Variants in LRRTM4 observed in about 807,000 individuals in gnomAD.
LRRTM4 encodes the protein leucine rich repeat transmembrane neuronal 4.
LRRTM4 carries 25 observed loss-of-function variants against 47.6 expected under a neutral mutation model. That is an observed-to-expected ratio of 0.53 (90% CI 0.38 to 0.73). The LOEUF (loss-of-function observed/expected upper bound fraction) is 0.73, where lower values mean the gene tolerates loss of function less well. Ranked by LOEUF, LRRTM4 falls within the 30% of genes least tolerant of loss-of-function variation. The pLI is 0.00. For synonymous variants in LRRTM4, 311 were observed against 269.5 expected (o/e 1.15, Z -1.51); for missense variants, 638 against 713.4 (o/e 0.89, Z 1.20).
At chr2:77,075,735 G>A (rs1215404620) in intron 3 of LRRTM4, among the ~76,000 whole-genome samples, 1 of 150,802 alleles carries the variant, frequency 6.6e-6, no homozygotes, top group Non-Finnish European at 1.5e-5. Flanking sequence ...CTAACAAGGT[G>A]AAACCCCGTC....
chr2:76,873,456 T>G (rs907796217), intron 3 of LRRTM4, among the ~76,000 whole-genome samples: 1 of 143,328 alleles, frequency 7.0e-6, no homozygotes, highest in Non-Finnish European at 1.5e-5. Flanking sequence ...TGTATATATA[T>G]ATAACGTGTG....
intron 3 of LRRTM4, among the ~76,000 whole-genome samples, chr2:76,837,789 A>G (rs1573190919): frequency 1.3e-5 from 2 of 152,186 alleles, no homozygotes; most frequent in African/African-American, 4.8e-5. Flanking sequence ...CTTTGTAGGG[A>G]CATGGATGAA....
At chr2:76,756,999 TC>T (rs1443321881) in intron 3 of LRRTM4, among the ~76,000 whole-genome samples, 1 of 152,118 alleles carries the variant, frequency 6.6e-6, no homozygotes, top group African/African-American at 2.4e-5. Flanking sequence ...TAAAAAATAA[TC>T]TAATTTATGG....
chr2:76,964,534 G>A (rs1166741935), intron 3 of LRRTM4, among the ~76,000 whole-genome samples: 2 of 150,656 alleles, frequency 1.3e-5, no homozygotes, highest in Non-Finnish European at 3.0e-5. Flanking sequence ...TAATTCTACA[G>A]GGGTCTGTAC....
intron 3 of LRRTM4, among the ~76,000 whole-genome samples, chr2:76,957,165 G>A (rs1420504459): frequency 6.6e-6 from 1 of 151,608 alleles, no homozygotes; most frequent in African/African-American, 2.4e-5. Flanking sequence ...AGTGATAGAA[G>A]GACAAAAAAT....
At chr2:77,179,597 C>T (rs1031555462) in intron 3 of LRRTM4, among the ~76,000 whole-genome samples, 3 of 151,882 alleles carry the variant, frequency 2.0e-5, no homozygotes, top group African/African-American at 7.2e-5. Context: ...GTTTAATGTT[C>T]GATTTTCCAC....
chr2:77,388,307 C>A (rs1206869890), intron 3 of LRRTM4, among the ~76,000 whole-genome samples: 1 of 152,072 alleles, frequency 6.6e-6, no homozygotes, highest in Non-Finnish European at 1.5e-5. Context: ...TCATACCGTG[C>A]AGTTGGTGGA....
chr2:77,414,570 A>T (rs1674566768), intron 3 of LRRTM4, among the ~76,000 whole-genome samples: 3 of 152,276 alleles, frequency 2.0e-5, no homozygotes, highest in Admixed American at 6.5e-5. Context: ...AACAGAAGCA[A>T]TTAGATAGAA....
intron 3 of LRRTM4, among the ~76,000 whole-genome samples, chr2:77,480,531 G>GT (rs1380223778): frequency 1.3e-5 from 2 of 152,150 alleles, no homozygotes; most frequent in South Asian, 2.1e-4. Flanking sequence ...ACTCGGCATT[G>GT]TGAAGGCAAG....
chr2:76,828,757 T>C (rs1517774), intron 3 of LRRTM4, among the ~76,000 whole-genome samples: 76,324 of 151,678 alleles, frequency 0.5, 20,256 homozygotes, highest in East Asian at 0.76. Context: ...ATTCATCTTC[T>C]GTCTCCCAGC....
chr2:77,493,837 A>G (rs1678259242), intron 3 of LRRTM4, among the ~76,000 whole-genome samples: 1 of 152,128 alleles, frequency 6.6e-6, no homozygotes, highest in African/African-American at 2.4e-5. Flanking sequence ...ATTCATATGA[A>G]AAGCTTGTGT....
At chr2:76,824,238 T>A (rs562857969) in intron 3 of LRRTM4, among the ~76,000 whole-genome samples, 1 of 151,600 alleles carries the variant, frequency 6.6e-6, no homozygotes, top group African/African-American at 2.4e-5. Flanking sequence ...TCCGTTTGTA[T>A]AATCTTTCAA....
At chr2:77,512,746 A>T (rs1419674032) in intron 3 of LRRTM4, among the ~76,000 whole-genome samples, 19 of 152,114 alleles carry the variant, frequency 1.2e-4, no homozygotes. Flanking sequence ...AAAAGTCTCA[A>T]GAAGGAAATT....
chr2:77,479,468 G>A (rs924493280), intron 3 of LRRTM4, among the ~76,000 whole-genome samples: 1 of 152,186 alleles, frequency 6.6e-6, no homozygotes, highest in South Asian at 2.1e-4. Context: ...AAAGCAAGTC[G>A]TCAGGGTTTA....
intron 3 of LRRTM4, among the ~76,000 whole-genome samples, chr2:77,453,998 T>G (rs1451198018): frequency 6.6e-6 from 1 of 152,194 alleles, no homozygotes; most frequent in Non-Finnish European, 1.5e-5. Context: ...CGAAGTTTCT[T>G]TGAATACCTT....
chr2:77,390,762 A>G (rs1673472757), intron 3 of LRRTM4, among the ~76,000 whole-genome samples: 2 of 151,770 alleles, frequency 1.3e-5, no homozygotes, highest in African/African-American at 4.8e-5. Context: ...ATATTTTACA[A>G]GAAAAATAAC....
At chr2:77,039,858 T>G (rs1678964772) in intron 3 of LRRTM4, among the ~76,000 whole-genome samples, 1 of 151,148 alleles carries the variant, frequency 6.6e-6, no homozygotes, top group Admixed American at 6.6e-5. Context: ...CTTTAAACTA[T>G]TTTAATAGAA....
chr2:77,149,322 T>A (rs571848583), intron 3 of LRRTM4, among the ~76,000 whole-genome samples: 4 of 152,298 alleles, frequency 2.6e-5, no homozygotes, highest in East Asian at 3.9e-4. Context: ...AGTTTTTTTT[T>A]AATTTGTATG....
chr2:77,412,176 T>C (rs1438248990), intron 3 of LRRTM4, among the ~76,000 whole-genome samples: 3 of 152,150 alleles, frequency 2.0e-5, no homozygotes, highest in East Asian at 3.9e-4. Flanking sequence ...GTGCCAGGAA[T>C]AGAATGTAGG....
Sources: gnomAD v4.1 joint callset for allele counts (sites outside exome capture counted in the v4.1 genomes callset) on GRCh38, gnomAD v4.1.1 for gene constraint, MANE v1.5 for transcripts, NCBI Gene and HGNC (gene_info 2026-07-23, HGNC 2026-07-21) for gene names.